The following PRELID2 variants were observed in gnomAD, a reference collection of about 807,000 sequenced individuals.
PRELID2 encodes PRELI domain-containing protein 2.
PRELID2 carries 25 observed loss-of-function variants against 28.4 expected under a neutral mutation model. The ratio of observed to expected loss-of-function variants is 0.88; its 90% CI spans 0.64 to 1.23. PRELID2 has a LOEUF of 1.23. PRELID2 is among the 50% of genes most tolerant of loss of function. The probability of loss-of-function intolerance (pLI) is 0.00; values close to 1 mark genes in which losing one functional copy is unlikely to be tolerated. For missense variants in PRELID2, 201 were observed against 214.4 expected (o/e 0.94, Z 0.39); for synonymous variants, 76 against 71.6 (o/e 1.06, Z -0.31).
chr5:145,282,964 T>A, the PRELID2 span, among the ~76,000 whole-genome samples: 1 of 152,188 alleles, frequency 6.6e-6, no homozygotes, highest in African/African-American at 2.4e-5. Context: ...GTGGGATGGT[T>A]AAGAATAAGT....
At chr5:145,790,151 A>T (rs1473175478) in intron 5 of PRELID2, among the ~76,000 whole-genome samples, 1 of 152,204 alleles carries the variant, frequency 6.6e-6, no homozygotes, top group Admixed American at 6.5e-5. Context: ...CTGGGTATTT[A>T]TCCGAAGAAT....
the PRELID2 span, among the ~76,000 whole-genome samples, chr5:145,417,773 A>C: frequency 1.6e-4 from 25 of 152,180 alleles, no homozygotes; most frequent in Non-Finnish European, 2.5e-4. Flanking sequence ...ATACACGATA[A>C]ATCCACAGCC....
At chr5:145,824,090 T>C (rs1755008000) in intron 1 of PRELID2, among the ~76,000 whole-genome samples, 1 of 152,072 alleles carries the variant, frequency 6.6e-6, no homozygotes, top group Admixed American at 6.6e-5. Context: ...AACACAATCC[T>C]TTCCACTACT....
intron 1 of PRELID2, among the ~76,000 whole-genome samples, chr5:145,725,817 C>T (rs192209533): frequency 7.9e-4 from 121 of 152,290 alleles, no homozygotes; most frequent in Middle Eastern, 3.4e-3. Context: ...TTGAGCAAGA[C>T]TTTTCTGGGT....
chr5:145,421,826 G>A, the PRELID2 span, among the ~76,000 whole-genome samples: 12 of 139,560 alleles, frequency 8.6e-5, no homozygotes, highest in South Asian at 2.7e-3. Context: ...TGTGATGTTA[G>A]GGTGTCAATT....
the PRELID2 span, among the ~76,000 whole-genome samples, chr5:145,252,708 A>G: frequency 6.6e-6 from 1 of 152,028 alleles, no homozygotes; most frequent in Non-Finnish European, 1.5e-5. Context: ...AGGAGGAGAG[A>G]GGAATTGGGA....
At chr5:145,708,051 C>T (rs1755593953) in intron 1 of PRELID2, among the ~76,000 whole-genome samples, 1 of 151,978 alleles carries the variant, frequency 6.6e-6, no homozygotes, top group Admixed American at 6.6e-5. Context: ...ATGATTATTC[C>T]ATGTATCTGA....
chr5:145,679,910 C>T (rs981056912), intron 1 of PRELID2, among the ~76,000 whole-genome samples: 7 of 150,466 alleles, frequency 4.7e-5, no homozygotes, highest in Non-Finnish European at 1.0e-4. Context: ...AAAATGTATA[C>T]AGTACACATT....
At chr5:145,285,789 G>A in the PRELID2 span, among the ~76,000 whole-genome samples, 1 of 152,158 alleles carries the variant, frequency 6.6e-6, no homozygotes, top group Non-Finnish European at 1.5e-5. Context: ...GAGGTAGAAT[G>A]TCAGGTCACC....
At chr5:145,510,408 T>A (rs1337542981) in intron 1 of PRELID2, among the ~76,000 whole-genome samples, 1 of 152,174 alleles carries the variant, frequency 6.6e-6, no homozygotes, top group Non-Finnish European at 1.5e-5. Context: ...TTTTTTCTCA[T>A]CCTTCAAGTC....
At chr5:145,811,316 T>A (rs1467772196) in intron 4 of PRELID2, among the ~76,000 whole-genome samples, 1 of 151,736 alleles carries the variant, frequency 6.6e-6, no homozygotes, top group Non-Finnish European at 1.5e-5. Context: ...ATATCAGGGG[T>A]CTTGCTCTGT....
chr5:145,329,317 A>G, the PRELID2 span, among the ~76,000 whole-genome samples: 2 of 152,328 alleles, frequency 1.3e-5, no homozygotes, highest in East Asian at 3.9e-4. Flanking sequence ...TTCTGTGAAG[A>G]AAGTCAGTGG....
the PRELID2 span, among the ~76,000 whole-genome samples, chr5:145,333,392 T>C: frequency 6.6e-6 from 1 of 152,196 alleles, no homozygotes; most frequent in Admixed American, 6.5e-5. Context: ...CCCCAGGTGC[T>C]CTGTCCCTGA....
chr5:145,451,099 CT>C, the PRELID2 span: 3 of 152,158 alleles, frequency 2.0e-5, no homozygotes, highest in African/African-American at 4.8e-5. Context: ...ACTGTAGAGC[CT>C]TCACTGCATC....
chr5:145,232,138 G>A, the PRELID2 span, among the ~76,000 whole-genome samples: 1 of 152,032 alleles, frequency 6.6e-6, no homozygotes, highest in Admixed American at 6.6e-5. Flanking sequence ...GCTGAGTGAC[G>A]CCTTAGTGAG....
chr5:145,674,166 A>AT (rs1173422736), intron 1 of PRELID2, among the ~76,000 whole-genome samples: 5 of 152,090 alleles, frequency 3.3e-5, no homozygotes, highest in Middle Eastern at 3.2e-3. Context: ...TGGTTTTGGT[A>AT]TTTTTTTATT....
At chr5:145,428,535 C>T in the PRELID2 span, among the ~76,000 whole-genome samples, 4 of 151,954 alleles carry the variant, frequency 2.6e-5, no homozygotes, top group Non-Finnish European at 2.9e-5. Context: ...GGAAGGGCTA[C>T]GGAGAAGTTG....
downstream of PRELID2, among the ~76,000 whole-genome samples, chr5:145,753,793 C>T (rs1757187152): frequency 6.6e-6 from 1 of 152,158 alleles, no homozygotes; most frequent in African/African-American, 2.4e-5. Context: ...CAATTGGCAG[C>T]TAAGGTATAA....
At chr5:145,542,260 C>T (rs1561502788) in intron 1 of PRELID2, among the ~76,000 whole-genome samples, 1 of 152,062 alleles carries the variant, frequency 6.6e-6, no homozygotes, top group Non-Finnish European at 1.5e-5. Context: ...TCCCAGCAGA[C>T]ATAATGGGCT....
Sources: allele counts gnomAD v4.1 joint callset (sites outside exome capture counted in the v4.1 genomes callset), GRCh38; gene constraint gnomAD v4.1.1; transcripts MANE v1.5; gene names NCBI Gene and HGNC (gene_info 2026-07-23, HGNC 2026-07-21).